Variants in ADAMTS6 observed in about 807,000 individuals in gnomAD.
The protein encoded by ADAMTS6 is A disintegrin and metalloproteinase with thrombospondin motifs 6.
ADAMTS6 carries 23 observed loss-of-function variants against 144.3 expected under a neutral mutation model. That is an observed-to-expected ratio of 0.16 (90% CI 0.11 to 0.23). The LOEUF (loss-of-function observed/expected upper bound fraction) is 0.23, where lower values mean the gene tolerates loss of function less well. Ranked by LOEUF, ADAMTS6 falls within the 10% of genes least tolerant of loss-of-function variation. The pLI is 1.00. For missense variants in ADAMTS6, 999 were observed against 1,379.6 expected (o/e 0.72, Z 4.37); for synonymous variants, 444 against 457.5 (o/e 0.97, Z 0.38).
intron 7 of ADAMTS6, among the ~76,000 whole-genome samples, chr5:65,397,184 CCT>C (rs1753414761): frequency 6.6e-6 from 1 of 151,958 alleles, no homozygotes; most frequent in Non-Finnish European, 1.5e-5. Flanking sequence ...GTGGATGTTC[CCT>C]CTTTCATTTC....
At chr5:65,186,806 T>C (rs7728119) in intron 22 of ADAMTS6, among the ~76,000 whole-genome samples, 114,678 of 152,012 alleles carry the variant, frequency 0.75, 43,784 homozygotes, top group African/African-American at 0.86. Context: ...GGACTATGGC[T>C]AGGAAACTTG....
intron 21 of ADAMTS6, among the ~76,000 whole-genome samples, chr5:65,189,289 C>T (rs1754855691): frequency 1.3e-5 from 2 of 152,022 alleles, no homozygotes; most frequent in African/African-American, 4.8e-5. Context: ...ATTAATTAGT[C>T]TAAGGGATGT....
At chr5:65,189,465 G>T (rs771499084) in intron 21 of ADAMTS6, among the ~76,000 whole-genome samples, 16 of 152,306 alleles carry the variant, frequency 1.1e-4, no homozygotes, top group Middle Eastern at 6.8e-3. Flanking sequence ...TGATTTCAAA[G>T]AATGCACAGG....
chr5:65,274,032 C>T (rs1762260074), intron 11 of ADAMTS6, among the ~76,000 whole-genome samples: 1 of 152,104 alleles, frequency 6.6e-6, no homozygotes, highest in African/African-American at 2.4e-5. Flanking sequence ...ATTTAGCCTA[C>T]CTCCATGAAA....
intron 4 of ADAMTS6, among the ~76,000 whole-genome samples, chr5:65,456,397 C>T (rs2150256846): frequency 6.6e-6 from 1 of 152,246 alleles, no homozygotes; most frequent in Middle Eastern, 3.4e-3. Flanking sequence ...GATTTCATTG[C>T]CATCTGAAAT....
intron 10 of ADAMTS6, among the ~76,000 whole-genome samples, chr5:65,299,003 TAAG>T (rs1413232842): frequency 6.6e-6 from 1 of 152,100 alleles, no homozygotes; most frequent in East Asian, 1.9e-4. Context: ...AGCCAATTTT[TAAG>T]AAGAATTTCC....
At chr5:65,403,996 A>G (rs1276423537) in intron 7 of ADAMTS6, among the ~76,000 whole-genome samples, 1 of 152,154 alleles carries the variant, frequency 6.6e-6, no homozygotes, top group Non-Finnish European at 1.5e-5. Context: ...ACTTTCTCCC[A>G]ATATAAAATC....
At chr5:65,259,222 A>ATATATATATAT (rs200053496) in intron 14 of ADAMTS6, among the ~76,000 whole-genome samples, 5 of 144,272 alleles carry the variant, frequency 3.5e-5, no homozygotes, top group African/African-American at 1.3e-4. Flanking sequence ...TATATATATA[A>ATATATATATAT]AATTAGCCAG....
chr5:65,323,562 A>G (rs1312746180), intron 9 of ADAMTS6, among the ~76,000 whole-genome samples: 5 of 151,870 alleles, frequency 3.3e-5, no homozygotes, highest in East Asian at 1.9e-4. Flanking sequence ...ATTGTGAATA[A>G]TGCCGCTATA....
chr5:65,354,821 T>C (rs1471067805), intron 7 of ADAMTS6, among the ~76,000 whole-genome samples: 1 of 151,826 alleles, frequency 6.6e-6, no homozygotes, highest in Non-Finnish European at 1.5e-5. Context: ...ATGTAACTAA[T>C]ATCAAGCCTT....
intron 7 of ADAMTS6, among the ~76,000 whole-genome samples, chr5:65,414,705 T>C (rs940487937): frequency 1.3e-5 from 2 of 152,196 alleles, no homozygotes; most frequent in African/African-American, 4.8e-5. Context: ...TGATTTAGAA[T>C]AGGGGAAGAC....
In ADAMTS6 at chr5:65,149,392, T is replaced by C. The variant is rs1752016649; in HGVS notation, c.*2444A>G. The C allele has an allele frequency of 6.6e-6, 1 of 152,248 alleles. No homozygotes were observed. Among genetic ancestry groups the C allele is most frequent in the South Asian group, 2.1e-4 (1 of 4,834 alleles). 9.4% of individuals were successfully genotyped at this position (152,248 alleles called of 1,614,324 possible). ...CCTACTCAGGTTTCAATTCAAGGCT[T>C]ACTTGAAACTGTTTCATCCTGTTAC... On this transcript the variant is annotated 3_prime_UTR_variant, in exon 25 of 25. Coordinates refer to ENST00000381055, the MANE Select transcript of ADAMTS6 (RefSeq NM_197941.4).
Position 65,151,267 on chromosome 5 carries a change from T to C in ADAMTS6, c.*569A>G, listed in dbSNP as rs758678334. ...AATTAAGTGGAATGAAGAAAAATAA[T>C]ACAAACTTTCATTACTTTTGATTTA... On this transcript the variant is annotated 3_prime_UTR_variant, in exon 25 of 25. Transcript: ENST00000381055. 1 of 152,684 alleles carries C rather than the reference T, an allele frequency of 6.5e-6. No individual in the cohort carries two copies. The highest frequency in any genetic ancestry group is 6.5e-5 in the Admixed American group (1 of 15,284). The allele number at this position is 152,684 out of a possible 1,614,324, so 9.5% of individuals were successfully genotyped here.
chr5:65,282,613 A>C (rs1763071568), intron 11 of ADAMTS6, among the ~76,000 whole-genome samples: 1 of 152,080 alleles, frequency 6.6e-6, no homozygotes, highest in Non-Finnish European at 1.5e-5. Flanking sequence ...ATTTTAGGGT[A>C]AAATTTTTCC....
At chr5:65,361,278 G>C (rs754439404) in intron 7 of ADAMTS6, among the ~76,000 whole-genome samples, 2 of 152,074 alleles carry the variant, frequency 1.3e-5, no homozygotes, top group African/African-American at 2.4e-5. Flanking sequence ...AACCCATCCT[G>C]CTCCAAAATT....
At position 65,390,008 on chromosome 5, in the gene ADAMTS6, A is replaced by C. The variant is rs549725890; in HGVS notation, c.1074-55923T>G. ...CAAAATCACAGTGTCTTAGAAGTAT[A>C]AGTAATTAGGGCTTAACAGATTATA... On this transcript the variant is annotated intron_variant, in intron 7 of 24. Transcript: ENST00000381055. 2.6e-5 allele frequency among the ~76,000 whole-genome samples: 4 copies of C among 152,312 alleles called. No individual in the cohort carries two copies. The East Asian group carries it at 7.7e-4, about 29-fold the overall frequency.
intron 12 of ADAMTS6, among the ~76,000 whole-genome samples, chr5:65,266,002 T>A (rs75126312): frequency 2.0e-5 from 3 of 151,790 alleles, no homozygotes; most frequent in African/African-American, 4.8e-5. Flanking sequence ...GTTTTTTTTT[T>A]AAACACAGCT....
chr5:65,356,737 T>G (rs1580477667), intron 7 of ADAMTS6, among the ~76,000 whole-genome samples: 1 of 152,026 alleles, frequency 6.6e-6, no homozygotes, highest in South Asian at 2.1e-4. Context: ...AAACTCTATC[T>G]TGCTGGGAAG....
At chr5:65,186,917 C>T (rs1754707902) in intron 22 of ADAMTS6, among the ~76,000 whole-genome samples, 1 of 152,140 alleles carries the variant, frequency 6.6e-6, no homozygotes, top group Non-Finnish European at 1.5e-5. Context: ...TTCTTTCAGT[C>T]CTGTGCTCCA....
Sources: gnomAD v4.1 joint callset for allele counts (sites outside exome capture counted in the v4.1 genomes callset) on GRCh38, gnomAD v4.1.1 for gene constraint, MANE v1.5 for transcripts, NCBI Gene and HGNC (gene_info 2026-07-23, HGNC 2026-07-21) for gene names.